The following CADPS2 variants were observed in gnomAD, a reference collection of about 807,000 sequenced individuals.
CADPS2 encodes calcium-dependent secretion activator 2.
CADPS2 carries 93 observed loss-of-function variants against 172.5 expected under a neutral mutation model. The ratio of observed to expected loss-of-function variants is 0.54; its 90% CI spans 0.46 to 0.64. CADPS2 has a LOEUF of 0.64. CADPS2 is among the 30% of genes least tolerant of loss of function. CADPS2 has a pLI of 0.00. For missense variants in CADPS2, 1,420 were observed against 1,565.9 expected (o/e 0.91, Z 1.57); for synonymous variants, 546 against 555.2 (o/e 0.98, Z 0.23).
At position 122,736,958 on chromosome 7, in the gene CADPS2, A is replaced by G. The variant is rs2092195846; in HGVS notation, c.450T>C (p.Tyr150=). ...EAFCNAVRSY[Y]EVFLKSDRVA... The stretch of plus-strand genomic sequence containing the variant: ...AAACAAAGCTCTTCAAACTTACCTC[A>G]TAATAACTCCGAACTGCGTTGCAAA... The change falls in exon 2 of 30, where the codon TAT becomes TAC. Residue 150 remains tyrosine, a synonymous_variant. Coordinates refer to ENST00000449022, the MANE Select transcript of CADPS2 (RefSeq NM_017954.11). The G allele has an allele frequency of 1.9e-6, 3 of 1,574,672 alleles. No individual in the cohort carries two copies. Among genetic ancestry groups the G allele is most frequent in the Admixed American group, 3.4e-5 (2 of 59,650 alleles).
chr7:122,759,454 T>G (rs181825335), intron 1 of CADPS2, among the ~76,000 whole-genome samples: 50 of 152,204 alleles, frequency 3.3e-4, no homozygotes, highest in Non-Finnish European at 5.6e-4. Flanking sequence ...AAAGTACAAA[T>G]AGAAAACAAT....
At chr7:122,371,102 A>G (rs1271727731) in intron 25 of CADPS2, among the ~76,000 whole-genome samples, 1 of 152,188 alleles carries the variant, frequency 6.6e-6, no homozygotes, top group Non-Finnish European at 1.5e-5. Flanking sequence ...TGGGACATCA[A>G]CAAAACTCAA....
intron 28 of CADPS2, among the ~76,000 whole-genome samples, chr7:122,334,886 G>A (rs983682578): frequency 6.6e-6 from 1 of 152,060 alleles, no homozygotes; most frequent in Non-Finnish European, 1.5e-5. Flanking sequence ...GCTCCCTTGG[G>A]GCAAGGACTT....
At chr7:122,627,686 A>G (rs905409441) in intron 4 of CADPS2, among the ~76,000 whole-genome samples, 1 of 152,160 alleles carries the variant, frequency 6.6e-6, no homozygotes, top group Non-Finnish European at 1.5e-5. Flanking sequence ...ACATATGACA[A>G]TGTGCCCAGT....
intron 3 of CADPS2, among the ~76,000 whole-genome samples, chr7:122,656,851 G>A (rs2079859419): frequency 6.6e-6 from 1 of 152,198 alleles, no homozygotes; most frequent in African/African-American, 2.4e-5. Flanking sequence ...TGACGCCATT[G>A]CTTCTGGTGT....
chr7:122,487,869 G>T (rs2057976676), intron 11 of CADPS2, among the ~76,000 whole-genome samples: 1 of 152,124 alleles, frequency 6.6e-6, no homozygotes, highest in Admixed American at 6.5e-5. Flanking sequence ...GTAATCAGAA[G>T]AATGAGATTA....
chr7:122,542,065 C>T (rs6947375), intron 8 of CADPS2, among the ~76,000 whole-genome samples: 16,150 of 151,620 alleles, frequency 0.11, 1,054 homozygotes, highest in African/African-American at 0.18. Flanking sequence ...CAGCTAACAA[C>T]GTGCCAGGCA....
intron 20 of CADPS2, among the ~76,000 whole-genome samples, chr7:122,400,413 G>A (rs140930525): frequency 0.017 from 2,608 of 151,782 alleles, 80 homozygotes; most frequent in African/African-American, 0.06. Flanking sequence ...CTCCAGCCTG[G>A]GCAATAAGAG....
chr7:122,481,162 CTTTTTTTTTTTT>C (rs35352953), intron 11 of CADPS2, among the ~76,000 whole-genome samples: 5 of 107,546 alleles, frequency 4.6e-5, no homozygotes, highest in Admixed American at 4.2e-4. Context: ...TTTCTTCATT[CTTTTTTTTTTTT>C]TTTTTTTTTT....
intron 12 of CADPS2, 126 bp from the exon 13 acceptor site, chr7:122,474,643 T>TAAAAG: frequency 1.2e-6 from 1 of 869,056 alleles, no homozygotes; most frequent in Non-Finnish European, 1.7e-6. Flanking sequence ...TGAAATATGA[T>TAAAAG]GCCAAGAGTT....
intron 8 of CADPS2, among the ~76,000 whole-genome samples, chr7:122,551,323 A>G (rs1410898037): frequency 2.6e-5 from 4 of 152,074 alleles, no homozygotes; most frequent in African/African-American, 9.7e-5. Flanking sequence ...GGAGCACAAT[A>G]TTACATTTTC....
At chr7:122,374,211 A>G (rs2042084354) in intron 25 of CADPS2, among the ~76,000 whole-genome samples, 1 of 152,184 alleles carries the variant, frequency 6.6e-6, no homozygotes, top group East Asian at 1.9e-4. Context: ...ATGTTTCATG[A>G]TAAAAGCATT....
chr7:122,699,879 A>C (rs1307220937), intron 2 of CADPS2, among the ~76,000 whole-genome samples: 1 of 152,234 alleles, frequency 6.6e-6, no homozygotes, highest in Non-Finnish European at 1.5e-5. Flanking sequence ...TTTTTAAAAA[A>C]CAGCTATTAA....
In CADPS2 at chr7:122,698,654, T is replaced by C. The variant is rs2085532748; in HGVS notation, c.454-35085A>G. On this transcript the variant is annotated intron_variant, in intron 2 of 29. Transcript: ENST00000449022. ...TACTTTGATCGGCTGAAAATGGTAT[T>C]GGGATTACATGCATTTTGGATTTTT... The C allele has an allele frequency of 1.2e-6, 2 of 1,614,066 alleles. No homozygotes were observed. The highest frequency in any genetic ancestry group is 1.7e-5 in the Admixed American group (1 of 60,014).
At chr7:122,594,770 T>C (rs1269316949) in intron 6 of CADPS2, among the ~76,000 whole-genome samples, 6 of 151,748 alleles carry the variant, frequency 4.0e-5, no homozygotes, top group African/African-American at 1.5e-4. Flanking sequence ...ATTGGTCACA[T>C]CTTGGCTTAC....
chr7:122,607,059 C>T (rs2073665683), intron 6 of CADPS2, among the ~76,000 whole-genome samples: 1 of 151,528 alleles, frequency 6.6e-6, no homozygotes, highest in African/African-American at 2.4e-5. Context: ...CATACATAGA[C>T]ATTTCACGCC....
intron 12 of CADPS2, among the ~76,000 whole-genome samples, chr7:122,476,531 C>G (rs750659394): frequency 3.3e-5 from 5 of 151,996 alleles, no homozygotes; most frequent in Non-Finnish European, 7.4e-5. Context: ...AAATACAATT[C>G]CAAACTATAT....
chr7:122,862,505 C>G (rs1817206840), intron 1 of CADPS2, among the ~76,000 whole-genome samples: 1 of 152,170 alleles, frequency 6.6e-6, no homozygotes, highest in African/African-American at 2.4e-5. Flanking sequence ...GAAGGCCTCT[C>G]TCTCTCATGG....
chr7:122,873,662 T>A (rs1820434512), intron 1 of CADPS2, among the ~76,000 whole-genome samples: 1 of 152,198 alleles, frequency 6.6e-6, no homozygotes. Context: ...GTATAATGAT[T>A]TATAATCCTT....
Sources: gnomAD v4.1 joint callset for allele counts (sites outside exome capture counted in the v4.1 genomes callset) on GRCh38, gnomAD v4.1.1 for gene constraint, MANE v1.5 for transcripts, NCBI Gene and HGNC (gene_info 2026-07-23, HGNC 2026-07-21) for gene names.